The following TENM2 variants were observed in gnomAD, a reference collection of about 807,000 sequenced individuals.
TENM2 encodes teneurin-2.
A neutral mutation model predicts 245.2 loss-of-function variants in TENM2; 52 were observed. That is an observed-to-expected ratio of 0.21 (90% CI 0.17 to 0.27). TENM2 has a LOEUF of 0.27. TENM2 is among the 10% of genes least tolerant of loss of function. The pLI is 1.00. For synonymous variants in TENM2, 1,363 were observed against 1,438.9 expected, an observed-to-expected ratio of 0.95 and a Z score of 1.19; for missense variants, 3,046 against 3,666.8, an observed-to-expected ratio of 0.83 and a Z score of 4.37.
intron 25 of TENM2, among the ~76,000 whole-genome samples, chr5:168,228,613 T>A (rs1764488085): frequency 6.6e-6 from 1 of 150,498 alleles, no homozygotes; most frequent in Admixed American, 6.7e-5. Context: ...CTCAAGGAAT[T>A]GAGGGTCTGA....
At chr5:167,918,392 C>T (rs1777105639) in intron 3 of TENM2, among the ~76,000 whole-genome samples, 1 of 152,176 alleles carries the variant, frequency 6.6e-6, no homozygotes, top group African/African-American at 2.4e-5. Context: ...GAATGAGATG[C>T]TTGCCTCGTC....
intron 2 of TENM2, among the ~76,000 whole-genome samples, chr5:167,427,074 A>T (rs923941847): frequency 3.9e-5 from 6 of 152,174 alleles, no homozygotes; most frequent in African/African-American, 1.4e-4. Flanking sequence ...TCAAAGAAAA[A>T]GTAAAAAAAA....
At chr5:167,103,936 C>T in the TENM2 span, among the ~76,000 whole-genome samples, 1 of 151,952 alleles carries the variant, frequency 6.6e-6, no homozygotes, top group African/African-American at 2.4e-5. Flanking sequence ...AGCATCGTGA[C>T]ACCACATTTC....
intron 12 of TENM2, among the ~76,000 whole-genome samples, chr5:168,158,075 A>G (rs1757349133): frequency 6.6e-6 from 1 of 152,150 alleles, no homozygotes; most frequent in South Asian, 2.1e-4. Context: ...GGCACCTGCC[A>G]CCACACTCAG....
chr5:167,104,668 T>C, the TENM2 span, among the ~76,000 whole-genome samples: 2 of 152,202 alleles, frequency 1.3e-5, no homozygotes, highest in African/African-American at 4.8e-5. Context: ...TTGATGTTTT[T>C]ATGGGTGAAG....
At chr5:167,972,349 T>C (rs1386059692) in intron 4 of TENM2, among the ~76,000 whole-genome samples, 1 of 152,202 alleles carries the variant, frequency 6.6e-6, no homozygotes, top group East Asian at 1.9e-4. Flanking sequence ...TTTTTATCAC[T>C]TAATCAGATA....
chr5:167,732,565 T>A (rs2150562148), intron 2 of TENM2, among the ~76,000 whole-genome samples: 1 of 152,318 alleles, frequency 6.6e-6, no homozygotes, highest in East Asian at 1.9e-4. Flanking sequence ...GCAGTGGAGC[T>A]TTTTGAGATG....
At chr5:167,365,492 GATAAA>G (rs1561897486) in intron 1 of TENM2, among the ~76,000 whole-genome samples, 3 of 151,026 alleles carry the variant, frequency 2.0e-5, no homozygotes, top group African/African-American at 4.9e-5. Context: ...TTGAAAAATC[GATAAA>G]ATAAAACTCC....
At chr5:167,218,552 C>G in the TENM2 span, among the ~76,000 whole-genome samples, 1 of 152,036 alleles carries the variant, frequency 6.6e-6, no homozygotes, top group African/African-American at 2.4e-5. Flanking sequence ...TCCAACTCCA[C>G]ACATCTCAAA....
At chr5:167,393,165 TA>T (rs1761860191) in intron 2 of TENM2, among the ~76,000 whole-genome samples, 1 of 142,254 alleles carries the variant, frequency 7.0e-6, no homozygotes, top group African/African-American at 2.6e-5. Flanking sequence ...TATTAGGCAA[TA>T]AAAAATGAAC....
At chr5:168,171,609 A>G (rs2152470844) in intron 13 of TENM2, among the ~76,000 whole-genome samples, 1 of 152,354 alleles carries the variant, frequency 6.6e-6, no homozygotes, top group Middle Eastern at 3.4e-3. Flanking sequence ...TAAAGTTTAT[A>G]ATTTACCCAA....
intron 2 of TENM2, among the ~76,000 whole-genome samples, chr5:167,753,837 A>G (rs895076838): frequency 6.6e-6 from 1 of 152,198 alleles, no homozygotes; most frequent in Admixed American, 6.5e-5. Context: ...TCCATGGTGC[A>G]TAACAGACAG....
intron 2 of TENM2, among the ~76,000 whole-genome samples, chr5:167,481,346 G>T (rs1234957446): frequency 6.6e-6 from 1 of 152,002 alleles, no homozygotes; most frequent in Non-Finnish European, 1.5e-5. Context: ...GAAAAATGTT[G>T]TTTTTATATT....
chr5:167,481,254 G>C (rs1369417931), intron 2 of TENM2, among the ~76,000 whole-genome samples: 1 of 152,160 alleles, frequency 6.6e-6, no homozygotes, highest in African/African-American at 2.4e-5. Context: ...GCAGCCCACA[G>C]ACCAAATATG....
intron 2 of TENM2, among the ~76,000 whole-genome samples, chr5:167,734,864 ATC>A (rs1364855015): frequency 6.6e-6 from 1 of 151,968 alleles, no homozygotes; most frequent in Non-Finnish European, 1.5e-5. Flanking sequence ...TCCTTCCTTC[ATC>A]TCTCTTTCTC....
chr5:167,445,369 A>AGGGAGAGAGAGAGAGAGT (rs35699708), intron 2 of TENM2, among the ~76,000 whole-genome samples: 1 of 98,578 alleles, frequency 1.0e-5, no homozygotes, highest in Non-Finnish European at 1.9e-5. Flanking sequence ...AGAGAGAGAG[A>AGGGAGAGAGAGAGAGAGT]GTGTCAGGTG....
chr5:167,546,103 T>TA (rs1228181479), intron 2 of TENM2, among the ~76,000 whole-genome samples: 2 of 152,164 alleles, frequency 1.3e-5, no homozygotes, highest in Non-Finnish European at 2.9e-5. Context: ...CCAGAGAAAT[T>TA]AAATAACTTC....
the TENM2 span, among the ~76,000 whole-genome samples, chr5:167,065,837 T>C: frequency 6.6e-6 from 1 of 152,356 alleles, no homozygotes; most frequent in East Asian, 1.9e-4. Context: ...GATTTGTGTA[T>C]TTGGAAACCA....
intron 2 of TENM2, among the ~76,000 whole-genome samples, chr5:167,420,902 A>G (rs544255744): frequency 1.1e-4 from 16 of 152,344 alleles, no homozygotes; most frequent in African/African-American, 3.4e-4. Context: ...TATTTGTTGC[A>G]TAAAGAAATG....
Sources: gnomAD v4.1 joint callset for allele counts (sites outside exome capture counted in the v4.1 genomes callset) on GRCh38, gnomAD v4.1.1 for gene constraint, MANE v1.5 for transcripts, NCBI Gene and HGNC (gene_info 2026-07-23, HGNC 2026-07-21) for gene names.